ABCA13: variants seen among roughly 807,000 people sequenced by gnomAD.
ABCA13 encodes the protein ATP-binding cassette sub-family A member 13.
A neutral mutation model predicts 478.7 loss-of-function variants in ABCA13; 476 were observed. That is an observed-to-expected ratio of 0.99 (90% CI 0.92 to 1.07). The LOEUF is 1.07. Among genes scored for constraint, ABCA13 ranks in the 50% least tolerant of loss-of-function variants. ABCA13 has a pLI of 0.00. For synonymous variants in ABCA13, 2,252 were observed against 2,158.9 expected (o/e 1.04, Z -1.20); for missense variants, 6,060 against 5,910.6 (o/e 1.03, Z -0.83).
Position 48,290,885 on chromosome 7 carries a change from C to T in ABCA13, c.8955+2807C>T, listed in dbSNP as rs140792666. Among the ~76,000 whole-genome samples the T allele has an allele frequency of 1.3e-4, 17 of 129,282 alleles. No homozygotes were observed. In the East Asian group the frequency reaches 4.0e-3, roughly 30 times the overall value. 84.8% of individuals were successfully genotyped at this position (129,282 alleles called of 152,430 possible). ...TCTTTGGAGCAAGGAGAATACCGAG[C>T]CTGAAATGCCTGGGTGAGAGAATTG... On this transcript the variant is annotated intron_variant, in intron 20 of 61. Transcript: ENST00000435803.
intron 3 of ABCA13, among the ~76,000 whole-genome samples, chr7:48,206,284 G>T (rs748646063): frequency 2.0e-5 from 3 of 152,154 alleles, no homozygotes; most frequent in Non-Finnish European, 4.4e-5. Flanking sequence ...TATCTTAACT[G>T]TACTTTATAA....
chr7:48,313,819 G>A (rs768041497), intron 25 of ABCA13, among the ~76,000 whole-genome samples: 2 of 152,164 alleles, frequency 1.3e-5, no homozygotes, highest in Non-Finnish European at 2.9e-5. Context: ...GAGACAGAAT[G>A]TAAGTCCATC....
In ABCA13 at chr7:48,305,407, A is replaced by G. The variant is rs550551633; in HGVS notation, c.9322-4540A>G. On this transcript the variant is annotated intron_variant, in intron 23 of 61. Transcript: ENST00000435803. ...AGCTCTGAGCTCAAATGGGTCCCCA[A>G]TGGCAGAGAGCCACACTGCTCCTCT... Among the ~76,000 whole-genome samples the G allele has an allele frequency of 8.2e-4, 125 of 152,294 alleles. 1 individual carries two copies. The highest frequency in any genetic ancestry group is 2.7e-3 in the African/African-American group (114 of 41,548).
intron 15 of ABCA13, among the ~76,000 whole-genome samples, chr7:48,254,622 A>G (rs1479363822): frequency 6.6e-6 from 1 of 151,844 alleles, no homozygotes; most frequent in African/African-American, 2.4e-5. Context: ...TTTCCTCCAG[A>G]GGTGCTTTAG....
At chr7:48,301,871 C>T (rs1800202503) in intron 23 of ABCA13, among the ~76,000 whole-genome samples, 1 of 152,158 alleles carries the variant, frequency 6.6e-6, no homozygotes, top group Non-Finnish European at 1.5e-5. Context: ...GTGGTAGGTT[C>T]TCATTAAACA....
At chr7:48,187,824 G>A (rs570884981) in intron 1 of ABCA13, among the ~76,000 whole-genome samples, 1 of 151,954 alleles carries the variant, frequency 6.6e-6, no homozygotes, top group South Asian at 2.1e-4. Context: ...TCTTAATGGG[G>A]CACTTGTAAA....
At chr7:48,231,241 T>C (rs1168204102) in intron 7 of ABCA13, among the ~76,000 whole-genome samples, 1 of 149,482 alleles carries the variant, frequency 6.7e-6, no homozygotes, top group Non-Finnish European at 1.5e-5. Context: ...ATGTCAATAA[T>C]AAAAAACAAA....
chr7:48,388,161 C>T (rs1167740808), intron 36 of ABCA13, among the ~76,000 whole-genome samples: 3 of 152,084 alleles, frequency 2.0e-5, no homozygotes, highest in Non-Finnish European at 4.4e-5. Flanking sequence ...TTCTGTGAAA[C>T]CCAGGAAACC....
chr7:48,296,499 G>A (rs1420638064), intron 21 of ABCA13, among the ~76,000 whole-genome samples: 1 of 144,792 alleles, frequency 6.9e-6, no homozygotes, highest in African/African-American at 2.6e-5. Flanking sequence ...TCGCTCTGTT[G>A]CCCAGGCTGG....
intron 1 of ABCA13, among the ~76,000 whole-genome samples, chr7:48,191,898 A>C (rs1044059971): frequency 6.6e-6 from 1 of 152,192 alleles, no homozygotes; most frequent in Non-Finnish European, 1.5e-5. Flanking sequence ...CCAGAAGTTC[A>C]TGTTAGTTCA....
intron 57 of ABCA13, among the ~76,000 whole-genome samples, chr7:48,592,561 T>C (rs994083767): frequency 2.0e-5 from 3 of 151,896 alleles, no homozygotes; most frequent in African/African-American, 7.2e-5. Context: ...TATTGTTGGA[T>C]GGAATGTTCT....
At chr7:48,487,308 CA>C (rs201286870) in intron 47 of ABCA13, among the ~76,000 whole-genome samples, 20,462 of 110,844 alleles carry the variant, frequency 0.18, 1,984 homozygotes, top group African/African-American at 0.34. Context: ...AACTGTGTCT[CA>C]AAAAAAAAAC....
At chr7:48,606,415 T>G (rs980558102) in intron 58 of ABCA13, among the ~76,000 whole-genome samples, 13 of 152,282 alleles carry the variant, frequency 8.5e-5, no homozygotes, top group African/African-American at 3.1e-4. Context: ...GGCGTCCTTT[T>G]TGTTGATGTT....
intron 45 of ABCA13, among the ~76,000 whole-genome samples, chr7:48,472,860 G>C (rs1186955896): frequency 6.6e-6 from 1 of 152,138 alleles, no homozygotes; most frequent in Non-Finnish European, 1.5e-5. Context: ...TACTGTGCAT[G>C]CATTAGGGGC....
At chr7:48,609,663 C>T (rs1006154044) in intron 58 of ABCA13, among the ~76,000 whole-genome samples, 3 of 152,130 alleles carry the variant, frequency 2.0e-5, no homozygotes, top group African/African-American at 7.2e-5. Flanking sequence ...CAATATAACT[C>T]CTGAAATATC....
rs1030835384 is a variant in ABCA13, at chr7:48,268,153, A to ATTAT, written c.2006-808_2006-805dup. On this transcript the variant is annotated intron_variant, in intron 15 of 61. Coordinates refer to ENST00000435803, the MANE Select transcript of ABCA13 (RefSeq NM_152701.5). ...CGGTTATCTTTAATCCTTTAAAAAAATTATTTATTTATTTATTTATTTTGA... is the reference window on the plus strand; with the variant it reads ...CGGTTATCTTTAATCCTTTAAAAAAATTATTTATTTATTTATTTATTTATTTTGA... Among the ~76,000 whole-genome samples the ATTAT allele has an allele frequency of 4.6e-5, 7 of 151,950 alleles. No individual in the cohort carries two copies. In the East Asian group the frequency reaches 5.8e-4, roughly 13 times the overall value.
intron 55 of ABCA13, among the ~76,000 whole-genome samples, chr7:48,539,812 G>A (rs1382676664): frequency 5.3e-5 from 8 of 152,192 alleles, no homozygotes. Flanking sequence ...CAGACATGCT[G>A]TTGTCATTTA....
At chr7:48,330,753 C>CCATA (rs1354165166) in intron 27 of ABCA13, among the ~76,000 whole-genome samples, 8 of 151,420 alleles carry the variant, frequency 5.3e-5, no homozygotes, top group Non-Finnish European at 1.2e-4. Flanking sequence ...ATCCATCCAT[C>CCATA]CATCCATCCA....
At chr7:48,499,976 C>A (rs890921792) in intron 48 of ABCA13, among the ~76,000 whole-genome samples, 1 of 152,164 alleles carries the variant, frequency 6.6e-6, no homozygotes, top group Non-Finnish European at 1.5e-5. Context: ...TCAAAGACTA[C>A]AAATGATTTT....
Sources: allele counts gnomAD v4.1 joint callset (sites outside exome capture counted in the v4.1 genomes callset), GRCh38; gene constraint gnomAD v4.1.1; transcripts MANE v1.5; gene names NCBI Gene and HGNC (gene_info 2026-07-23, HGNC 2026-07-21).